Variants in FZD3 observed in about 807,000 individuals in gnomAD.
FZD3 encodes frizzled class receptor 3, also known as frizzled-3.
Under a neutral mutation model 60.7 loss-of-function variants are expected in FZD3, and 30 were observed. That is an observed-to-expected ratio of 0.49 (90% CI 0.37 to 0.67). FZD3 has a LOEUF of 0.67. Ranked by LOEUF, FZD3 falls within the 30% of genes least tolerant of loss-of-function variation. The pLI is 0.00. For synonymous variants in FZD3, 246 were observed against 275.2 expected, an observed-to-expected ratio of 0.89 and a Z score of 1.05; for missense variants, 605 against 838.7, an observed-to-expected ratio of 0.72 and a Z score of 3.44.
At chr8:28,513,333 A>G (rs1804338434) in intron 3 of FZD3, among the ~76,000 whole-genome samples, 1 of 152,190 alleles carries the variant, frequency 6.6e-6, no homozygotes, top group African/African-American at 2.4e-5. Flanking sequence ...TTCCTATAGG[A>G]AAGTCAGATT....
chr8:28,522,104 C>CTTTTT (rs1159167662), intron 4 of FZD3, among the ~76,000 whole-genome samples: 3 of 140,406 alleles, frequency 2.1e-5, no homozygotes, highest in Non-Finnish European at 3.1e-5. Context: ...TTTCTCTTCT[C>CTTTTT]TTTTTTTTTT....
chr8:28,527,129 T>C lies in FZD3; in HGVS notation c.387-18T>C, dbSNP rs754462590. 3 of 1,583,544 alleles carry C rather than the reference T, an allele frequency of 1.9e-6. No individual in the cohort carries two copies. The highest frequency in any genetic ancestry group is 2.6e-6 in the Non-Finnish European group (3 of 1,166,766). The stretch of plus-strand genomic sequence containing the variant: ...TCCCCATAAGTAAAAATAGTTCTCA[T>C]CTTGTTTTGTTTTTTAGGTTCCCAG... On this transcript the variant is annotated intron_variant, in intron 4 of 7. Transcript: ENST00000240093. This position sits in a 1 kb window ranked among gnomAD's most constrained non-coding sequence, Gnocchi z 5.0.
In FZD3 at chr8:28,565,086, T is replaced by G. The variant is rs1474676618; in HGVS notation, c.*2075T>G. On this transcript the variant is annotated 3_prime_UTR_variant, in exon 8 of 8. Transcript: ENST00000240093. ...CCTTTAAAACAAACTGCCAAGAAATTAGGTGTTGAAAAAGAATATTCTCAT... is the reference window on the plus strand; with the variant it reads ...CCTTTAAAACAAACTGCCAAGAAATGAGGTGTTGAAAAAGAATATTCTCAT... 6.6e-6 allele frequency: 1 copy of G among 152,078 alleles called. No homozygotes were observed. The allele number at this position is 152,078 out of a possible 1,614,324, so 9.4% of individuals were successfully genotyped here.
intron 5 of FZD3, among the ~76,000 whole-genome samples, chr8:28,544,962 T>G (rs1805261180): frequency 6.6e-6 from 1 of 152,186 alleles, no homozygotes; most frequent in Non-Finnish European, 1.5e-5. Context: ...GCGAGAGGGC[T>G]CAGTGTACTA....
rs1449200146 is a variant in FZD3, at chr8:28,570,186, C to T, written c.*7175C>T. The T allele has an allele frequency of 6.6e-6, 1 of 152,064 alleles. No homozygotes were observed. The highest frequency in any genetic ancestry group is 2.4e-5 in the African/African-American group (1 of 41,402). 9.4% of individuals were successfully genotyped at this position (152,064 alleles called of 1,614,324 possible). A position where few individuals can be genotyped will look rare whatever the true frequency, so the allele number is the denominator to read the frequency against. ...GTTTCTGGAAAAATTCCTTAATTGT[C>T]ATCTGATATAATGTAGAGATTGAGG... is the stretch of plus-strand genomic sequence containing the variant. On this transcript the variant is annotated 3_prime_UTR_variant, in exon 8 of 8. Coordinates refer to ENST00000240093, the MANE Select transcript of FZD3 (RefSeq NM_017412.4).
At chr8:28,531,522 T>C (rs1804875361) in intron 5 of FZD3, among the ~76,000 whole-genome samples, 1 of 152,190 alleles carries the variant, frequency 6.6e-6, no homozygotes, top group Non-Finnish European at 1.5e-5. Context: ...ATTTTTGCAT[T>C]GTAGGCTATA....
At chr8:28,496,313 A>C (rs1242823926) in intron 1 of FZD3, among the ~76,000 whole-genome samples, 2 of 152,100 alleles carry the variant, frequency 1.3e-5, no homozygotes, top group Non-Finnish European at 2.9e-5. Flanking sequence ...ACTTTTTCTG[A>C]GCATGTGAGT....
chr8:28,554,434 A>G (rs1805467562), intron 6 of FZD3, among the ~76,000 whole-genome samples: 1 of 152,024 alleles, frequency 6.6e-6, no homozygotes, highest in Admixed American at 6.5e-5. Context: ...TTTTTCTGTC[A>G]TGTTTTTGGC....
intron 5 of FZD3, among the ~76,000 whole-genome samples, chr8:28,548,009 C>T (rs534288055): frequency 1.3e-4 from 20 of 152,070 alleles, no homozygotes; most frequent in South Asian, 6.2e-4. Context: ...CCCACCATCA[C>T]ACCTGGCTAA....
intron 4 of FZD3, among the ~76,000 whole-genome samples, chr8:28,522,208 G>A (rs774094772): frequency 9.4e-5 from 14 of 148,984 alleles, no homozygotes; most frequent in Admixed American, 2.0e-4. Flanking sequence ...GGGTTCAAGC[G>A]ATTCTCCTGC....
At chr8:28,506,582 G>A (rs1310575661) in intron 3 of FZD3, among the ~76,000 whole-genome samples, 1 of 152,020 alleles carries the variant, frequency 6.6e-6, no homozygotes, top group African/African-American at 2.4e-5. Context: ...GAGGAAAGTA[G>A]GCCTCTCTAT....
chr8:28,523,866 A>G (rs546804544), intron 4 of FZD3, among the ~76,000 whole-genome samples: 6 of 152,182 alleles, frequency 3.9e-5, no homozygotes, highest in Non-Finnish European at 7.3e-5. Flanking sequence ...CTCTGCCCTC[A>G]TGAATAGATT....
chr8:28,563,224 A>G lies in FZD3; in HGVS notation c.*213A>G, dbSNP rs1805647591. On this transcript the variant is annotated 3_prime_UTR_variant, in exon 8 of 8. Transcript: ENST00000240093. ...CACTAAGAATTCTATCATCACAAAA[A>G]TAATTCGTCTTTCTAGGTTATGAAG... The G allele has an allele frequency of 1.9e-6, 1 of 527,084 alleles. No individual in the cohort carries two copies. Among genetic ancestry groups the G allele is most frequent in the East Asian group, 3.3e-5 (1 of 29,976 alleles). The allele number at this position is 527,084 out of a possible 1,614,324, so 32.7% of individuals were successfully genotyped here.
chr8:28,528,332 CAT>C (rs935851015), intron 5 of FZD3, among the ~76,000 whole-genome samples, 168 bp downstream of exon 5: 2 of 151,824 alleles, frequency 1.3e-5, no homozygotes, highest in African/African-American at 4.8e-5. Flanking sequence ...ATGTAATACA[CAT>C]ATTTGATAGA....
chr8:28,537,295 A>G (rs945118788), intron 5 of FZD3, among the ~76,000 whole-genome samples: 1 of 152,100 alleles, frequency 6.6e-6, no homozygotes, highest in Non-Finnish European at 1.5e-5. Flanking sequence ...TAAAATATAC[A>G]AGTTATTATT....
intron 7 of FZD3, among the ~76,000 whole-genome samples, chr8:28,558,009 G>C (rs1254512304): frequency 1.3e-5 from 2 of 152,242 alleles, no homozygotes; most frequent in Non-Finnish European, 2.9e-5. Context: ...AGAGGAGGCA[G>C]TTGGGAGTTA....
chr8:28,534,044 T>C (rs1804947262), intron 5 of FZD3, among the ~76,000 whole-genome samples: 1 of 152,210 alleles, frequency 6.6e-6, no homozygotes, highest in Admixed American at 6.5e-5. Context: ...AACAACCTTT[T>C]CAAATAGATA....
At chr8:28,523,298 G>A (rs1239349216) in intron 4 of FZD3, among the ~76,000 whole-genome samples, 1 of 152,120 alleles carries the variant, frequency 6.6e-6, no homozygotes, top group Non-Finnish European at 1.5e-5. Context: ...CTTCCAACAT[G>A]GCACCTTGTT....
chr8:28,550,444 T>G (rs972523848), intron 5 of FZD3, among the ~76,000 whole-genome samples: 2 of 150,734 alleles, frequency 1.3e-5, no homozygotes, highest in African/African-American at 4.9e-5. Flanking sequence ...GCTGTTTTTT[T>G]TTTTTTGTCT....
Sources: gnomAD v4.1 joint callset for allele counts (sites outside exome capture counted in the v4.1 genomes callset) on GRCh38, gnomAD v4.1.1 for gene constraint, Gnocchi (gnomAD v3.1) non-coding constraint, MANE v1.5 for transcripts, NCBI Gene and HGNC (gene_info 2026-07-23, HGNC 2026-07-21) for gene names.